The following CERKL variants were observed in gnomAD, a reference collection of about 807,000 sequenced individuals.
CERKL encodes the protein ceramide kinase-like protein.
CERKL carries 61 observed loss-of-function variants against 63.4 expected under a neutral mutation model. The ratio of observed to expected loss-of-function variants is 0.96; its 90% confidence interval spans 0.78 to 1.19. CERKL has a LOEUF of 1.19. Ranked by LOEUF, CERKL falls within the 50% of genes most tolerant of loss-of-function variation. The pLI is 0.00. For missense variants in CERKL, 675 were observed against 655.5 expected (o/e 1.03, Z -0.33); for synonymous variants, 250 against 230.5 (o/e 1.08, Z -0.77).
chr2:181,644,206 T>A (rs1017510689), intron 1 of CERKL, among the ~76,000 whole-genome samples: 3 of 152,210 alleles, frequency 2.0e-5, no homozygotes, highest in East Asian at 3.8e-4. Context: ...ATACTGGGGG[T>A]TGGCCCCACT....
intron 1 of CERKL, among the ~76,000 whole-genome samples, chr2:181,626,865 C>A (rs1686727568): frequency 6.6e-6 from 1 of 152,214 alleles, no homozygotes; most frequent in Non-Finnish European, 1.5e-5. Flanking sequence ...GGATCTCCAG[C>A]CAGCACTAGG....
At chr2:181,627,010 G>A (rs1324006196) in intron 1 of CERKL, among the ~76,000 whole-genome samples, 1 of 152,230 alleles carries the variant, frequency 6.6e-6, no homozygotes, top group Admixed American at 6.6e-5. Flanking sequence ...CTAGTAGTCT[G>A]AAGATATTTA....
intron 1 of CERKL, among the ~76,000 whole-genome samples, chr2:181,621,089 T>C (rs1686427695): frequency 1.3e-5 from 2 of 152,140 alleles, no homozygotes; most frequent in African/African-American, 4.8e-5. Flanking sequence ...TAAAAGAATA[T>C]AGTTGACAAA....
intron 2 of CERKL, among the ~76,000 whole-genome samples, chr2:181,600,860 T>C (rs767204053): frequency 1.6e-4 from 25 of 152,326 alleles, no homozygotes; most frequent in Middle Eastern, 6.8e-3. Flanking sequence ...CAAATGGACC[T>C]GACAGACATC....
chr2:181,648,690 A>T (rs573355578), intron 1 of CERKL, among the ~76,000 whole-genome samples: 97 of 152,340 alleles, frequency 6.4e-4, no homozygotes, highest in Non-Finnish European at 1.1e-3. Context: ...GATCCTCTAG[A>T]TGAAGGTTTA....
intron 3 of CERKL, among the ~76,000 whole-genome samples, chr2:181,572,112 C>T (rs569585142): frequency 1.3e-5 from 2 of 152,070 alleles, no homozygotes; most frequent in Non-Finnish European, 2.9e-5. Flanking sequence ...CACACACTCT[C>T]TCTCTCCGCC....
chr2:181,637,896 G>A (rs1687250599), intron 1 of CERKL, among the ~76,000 whole-genome samples: 1 of 151,870 alleles, frequency 6.6e-6, no homozygotes, highest in African/African-American at 2.4e-5. Flanking sequence ...CTCCCTAGTA[G>A]TGTACACTCT....
At chr2:181,638,344 G>A (rs1051160501) in intron 1 of CERKL, among the ~76,000 whole-genome samples, 8 of 152,126 alleles carry the variant, frequency 5.3e-5, no homozygotes, top group Admixed American at 3.9e-4. Flanking sequence ...AGCATGAAAT[G>A]TTCAAGATGA....
At chr2:181,606,628 T>C (rs1440251146) in intron 1 of CERKL, among the ~76,000 whole-genome samples, 3 of 151,164 alleles carry the variant, frequency 2.0e-5, no homozygotes, top group African/African-American at 4.9e-5. Flanking sequence ...ATTGTGGTCA[T>C]GGGATAGGGT....
At chr2:181,552,353 G>A (rs1416227885) in intron 5 of CERKL, among the ~76,000 whole-genome samples, 1 of 152,164 alleles carries the variant, frequency 6.6e-6, no homozygotes. Context: ...AATCACGGGG[G>A]TGGTTTCCCC....
intron 1 of CERKL, among the ~76,000 whole-genome samples, chr2:181,650,351 T>C (rs546445767): frequency 2.0e-5 from 3 of 152,018 alleles, no homozygotes; most frequent in African/African-American, 4.8e-5. Context: ...CTACGAAACA[T>C]AGCACAAGCA....
At chr2:181,636,769 C>T (rs1234829290) in intron 1 of CERKL, among the ~76,000 whole-genome samples, 3 of 152,290 alleles carry the variant, frequency 2.0e-5, no homozygotes, top group East Asian at 1.9e-4. Context: ...AGTTTACCCT[C>T]GAACCTCTCT....
chr2:181,565,985 T>C, intron 4 of CERKL, 73 bp downstream of exon 4: 1 of 1,008,520 alleles, frequency 9.9e-7, no homozygotes, highest in Non-Finnish European at 1.6e-6. Flanking sequence ...AGGTTCCAAA[T>C]ATGTAGCTAA....
At chr2:181,540,641 C>T (rs1255298822) in intron 11 of CERKL, among the ~76,000 whole-genome samples, 1 of 152,156 alleles carries the variant, frequency 6.6e-6, no homozygotes, top group African/African-American at 2.4e-5. Context: ...TATCTTAAAT[C>T]AGCAGTTGTC....
intron 1 of CERKL, among the ~76,000 whole-genome samples, chr2:181,609,533 T>TGGA (rs1267362169): frequency 1.4e-5 from 1 of 70,232 alleles, no homozygotes; most frequent in East Asian, 7.3e-4. Context: ...CTGTCTCTAC[T>TGGA]AAAAAAAAAA....
chr2:181,641,336 T>TAC (rs1687427029), intron 1 of CERKL, among the ~76,000 whole-genome samples: 1 of 20,762 alleles, frequency 4.8e-5, no homozygotes, highest in African/African-American at 3.9e-4. Flanking sequence ...TATATATATA[T>TAC]ATATATATAC....
chr2:181,582,322 C>G (rs1265192873), intron 2 of CERKL, among the ~76,000 whole-genome samples: 2 of 151,934 alleles, frequency 1.3e-5, no homozygotes, highest in African/African-American at 4.8e-5. Flanking sequence ...GTGTGCTGGT[C>G]ATGGAAAATG....
intron 1 of CERKL, among the ~76,000 whole-genome samples, chr2:181,612,217 T>C (rs1278020240): frequency 6.6e-6 from 1 of 152,230 alleles, no homozygotes; most frequent in Non-Finnish European, 1.5e-5. Flanking sequence ...AACAGACCCA[T>C]GTAAAGACCT....
Position 181,550,027 on chromosome 2 carries a change from C to A in CERKL, c.821-319G>T, listed in dbSNP as rs1340632603. ...AATGCTAGCTATATCAAAGCCCACT[C>A]CATCCCAACCTTAATGAATGGGTTT... On this transcript the variant is annotated intron_variant, in intron 5 of 12. Coordinates refer to ENST00000410087, the MANE Select transcript of CERKL (RefSeq NM_201548.5). The surrounding 1 kb of genome is among the most constrained non-coding windows in gnomAD (Gnocchi z 4.5). Among the ~76,000 whole-genome samples the A allele has an allele frequency of 6.6e-6, 1 of 152,154 alleles. No homozygotes were observed. The highest frequency in any genetic ancestry group is 1.5e-5 in the Non-Finnish European group (1 of 68,040).
Sources: gnomAD v4.1 joint callset for allele counts (sites outside exome capture counted in the v4.1 genomes callset) on GRCh38, gnomAD v4.1.1 for gene constraint, Gnocchi (gnomAD v3.1) non-coding constraint, MANE v1.5 for transcripts, NCBI Gene and HGNC (gene_info 2026-07-23, HGNC 2026-07-21) for gene names.